Variants in TANC2 observed in about 807,000 individuals in gnomAD.
TANC2 encodes tetratricopeptide repeat, ankyrin repeat and coiled-coil containing 2.
A neutral mutation model predicts 210.5 loss-of-function variants in TANC2; 26 were observed. That is an observed-to-expected ratio of 0.12 (90% CI 0.09 to 0.17). TANC2 has a LOEUF of 0.17. Among genes scored for constraint, TANC2 ranks in the 10% least tolerant of loss-of-function variants. The pLI, the probability that TANC2 is intolerant of heterozygous loss-of-function variation, is 1.00. For synonymous variants in TANC2, 931 were observed against 967.1 expected, an observed-to-expected ratio of 0.96 and a Z score of 0.69; for missense variants, 2,129 against 2,608.9, an observed-to-expected ratio of 0.82 and a Z score of 4.01.
chr17:63,298,312 T>G (rs2044601508), intron 9 of TANC2, among the ~76,000 whole-genome samples: 1 of 152,172 alleles, frequency 6.6e-6, no homozygotes, highest in Admixed American at 6.5e-5. Context: ...TATTCATCAG[T>G]GGATGAATGG....
At chr17:62,994,565 T>C (rs1222510796) in intron 1 of TANC2, among the ~76,000 whole-genome samples, 1 of 152,218 alleles carries the variant, frequency 6.6e-6, no homozygotes, top group African/African-American at 2.4e-5. Flanking sequence ...TTTTTAATCA[T>C]GAAAGGGTGT....
intron 2 of TANC2, among the ~76,000 whole-genome samples, chr17:63,065,163 G>T (rs1000669122): frequency 3.3e-5 from 5 of 152,120 alleles, no homozygotes; most frequent in African/African-American, 7.2e-5. Flanking sequence ...TTTTGTGCTT[G>T]ACTTAGTTTA....
chr17:63,298,605 G>A (rs549779781), intron 9 of TANC2, among the ~76,000 whole-genome samples: 1 of 152,258 alleles, frequency 6.6e-6, no homozygotes, highest in East Asian at 1.9e-4. Flanking sequence ...CTAGATAGAA[G>A]TGGTGGTTGT....
At chr17:63,003,105 T>C (rs1568309128) in intron 1 of TANC2, among the ~76,000 whole-genome samples, 1 of 152,208 alleles carries the variant, frequency 6.6e-6, no homozygotes, top group Non-Finnish European at 1.5e-5. Context: ...TTTAAATTAC[T>C]CTTCATTGTG....
At chr17:63,278,662 G>A (rs1289898707) in intron 9 of TANC2, among the ~76,000 whole-genome samples, 1 of 152,102 alleles carries the variant, frequency 6.6e-6, no homozygotes, top group African/African-American at 2.4e-5. Flanking sequence ...GGGTCTCAGA[G>A]ATATTTTCAC....
At chr17:63,394,058 C>T (rs987173558) in intron 17 of TANC2, among the ~76,000 whole-genome samples, 3 of 152,198 alleles carry the variant, frequency 2.0e-5, no homozygotes, top group South Asian at 4.1e-4. Flanking sequence ...AGGCATGAGC[C>T]ACCATGCCCA....
At chr17:63,246,243 C>T (rs1598696319) in intron 8 of TANC2, among the ~76,000 whole-genome samples, 1 of 148,108 alleles carries the variant, frequency 6.8e-6, no homozygotes, top group South Asian at 2.1e-4. Flanking sequence ...CTGGCCAGAA[C>T]TTTTTTTTTT....
intron 8 of TANC2, among the ~76,000 whole-genome samples, chr17:63,267,296 T>C (rs376508371): frequency 6.6e-6 from 1 of 152,208 alleles, no homozygotes. Context: ...TTTTTGTTAC[T>C]GTCTCTGCAG....
At chr17:63,187,908 C>T (rs951237990) in intron 5 of TANC2, among the ~76,000 whole-genome samples, 1 of 151,974 alleles carries the variant, frequency 6.6e-6, no homozygotes, top group Non-Finnish European at 1.5e-5. Context: ...CTTTAAATTA[C>T]TGAGACAAAG....
intron 7 of TANC2, among the ~76,000 whole-genome samples, chr17:63,221,550 A>G (rs969184243): frequency 8.5e-5 from 13 of 152,190 alleles, no homozygotes; most frequent in Non-Finnish European, 1.9e-4. Context: ...TAAGTGAAGA[A>G]TCCTCACAGC....
chr17:63,189,365 A>G (rs951007700), intron 5 of TANC2, among the ~76,000 whole-genome samples: 5 of 152,184 alleles, frequency 3.3e-5, no homozygotes, highest in Admixed American at 1.3e-4. Flanking sequence ...TGTCTGCACA[A>G]TTTTACATTG....
chr17:63,288,664 G>A (rs901690371), intron 9 of TANC2, among the ~76,000 whole-genome samples: 1 of 151,762 alleles, frequency 6.6e-6, no homozygotes, highest in Non-Finnish European at 1.5e-5. Flanking sequence ...TATGTTTTTG[G>A]AGAATTTACC....
intron 1 of TANC2, among the ~76,000 whole-genome samples, chr17:63,001,364 T>C (rs2143715636): frequency 6.6e-6 from 1 of 152,296 alleles, no homozygotes; most frequent in South Asian, 2.1e-4. Flanking sequence ...TCAATGAAAC[T>C]TACTTTTATT....
intron 14 of TANC2, among the ~76,000 whole-genome samples, chr17:63,371,183 G>T (rs182935852): frequency 6.6e-6 from 1 of 152,200 alleles, no homozygotes; most frequent in East Asian, 1.9e-4. Context: ...CAAAGCACCT[G>T]GCCAGGTACG....
At chr17:63,347,402 C>T (rs1284804248) in intron 12 of TANC2, among the ~76,000 whole-genome samples, 1 of 152,112 alleles carries the variant, frequency 6.6e-6, no homozygotes, top group African/African-American at 2.4e-5. Flanking sequence ...AATTTGATCA[C>T]AGTATTGCTT....
At chr17:63,075,536 T>C (rs746784506) in intron 3 of TANC2, among the ~76,000 whole-genome samples, 14 of 149,870 alleles carry the variant, frequency 9.3e-5, no homozygotes, top group Non-Finnish European at 1.8e-4. Context: ...GAAATATATA[T>C]ATTTTTTTAT....
chr17:63,405,119 T>C lies in TANC2; in HGVS notation c.3332-3T>C. On this transcript the variant is annotated splice_region_variant and splice_polypyrimidine_tract_variant and intron_variant, in intron 19 of 27. Transcript: ENST00000689528. ...ATCCTCAATCTTTGTTCTCTGCCCTTAGCCCTAACAGCTGCAGCCGGAAGG... is the reference window on the plus strand; with the variant it reads ...ATCCTCAATCTTTGTTCTCTGCCCTCAGCCCTAACAGCTGCAGCCGGAAGG... 3 of 1,609,424 alleles carry C rather than the reference T, an allele frequency of 1.9e-6. No homozygotes were observed. The highest frequency in any genetic ancestry group is 2.6e-6 in the Non-Finnish European group (3 of 1,176,346).
chr17:63,140,891 C>T (rs1392124061), intron 4 of TANC2, among the ~76,000 whole-genome samples: 6 of 151,808 alleles, frequency 4.0e-5, no homozygotes, highest in Non-Finnish European at 8.8e-5. Context: ...GGACTACAGG[C>T]CCTCACCACC....
chr17:63,107,005 C>T (rs1159452006), intron 4 of TANC2, among the ~76,000 whole-genome samples: 1 of 151,414 alleles, frequency 6.6e-6, no homozygotes, highest in Admixed American at 6.6e-5. Context: ...TGCGAAAGTG[C>T]CCAAATGACC....
Sources: gnomAD v4.1 joint callset for allele counts (sites outside exome capture counted in the v4.1 genomes callset) on GRCh38, gnomAD v4.1.1 for gene constraint, MANE v1.5 for transcripts, NCBI Gene and HGNC (gene_info 2026-07-23, HGNC 2026-07-21) for gene names.